The following NLRP8 variants were observed in gnomAD, a reference collection of about 807,000 sequenced individuals.
The protein encoded by NLRP8 is NACHT, LRR and PYD domains-containing protein 8.
Under a neutral mutation model 88.7 loss-of-function variants are expected in NLRP8, and 86 were observed. That is an observed-to-expected ratio of 0.97 (90% CI 0.81 to 1.16). The LOEUF (loss-of-function observed/expected upper bound fraction) is 1.16. Among genes scored for constraint, NLRP8 ranks in the 50% most tolerant of loss-of-function variants. NLRP8 has a pLI of 0.00. For synonymous variants in NLRP8, 504 were observed against 494.6 expected, an observed-to-expected ratio of 1.02 and a Z score of -0.25; for missense variants, 1,342 against 1,286.5, an observed-to-expected ratio of 1.04 and a Z score of -0.66.
chr19:55,974,899 A>C (rs185107899), intron 7 of NLRP8, among the ~76,000 whole-genome samples: 2 of 152,002 alleles, frequency 1.3e-5, no homozygotes, highest in African/African-American at 4.8e-5. Flanking sequence ...GCTTGTAATT[A>C]GGAGAGAAAT....
chr19:55,987,854 A>C lies in NLRP8; in HGVS notation c.3088A>C (p.Thr1030Pro). 6.2e-7 allele frequency: 1 copy of C among 1,613,348 alleles called. No individual in the cohort carries two copies. Among genetic ancestry groups the C allele is most frequent in the South Asian group, 1.1e-5 (1 of 91,036 alleles). The change falls in exon 10 of 10, where the codon ACT (threonine) becomes CCT (proline). Residue 1030 changes from threonine (T) to proline (P), a missense_variant. Transcript: ENST00000291971. The stretch of plus-strand genomic sequence containing the variant: ...GACTCGAATAACTAGCTTCTCCCCA[A>C]CTCCTCACCCACCCGACTTCACGGG...
rs145118404 is a variant in NLRP8, at chr19:55,950,987, A to C, written c.368-1551A>C. Among the ~76,000 whole-genome samples the C allele has an allele frequency of 4.0e-3, 604 of 152,330 alleles. 2 individuals are homozygous for C. Among genetic ancestry groups the C allele is most frequent in the African/African-American group, 0.013 (544 of 41,566 alleles). On this transcript the variant is annotated intron_variant, in intron 1 of 9. Coordinates refer to ENST00000291971, the MANE Select transcript of NLRP8 (RefSeq NM_176811.2). ...CAGCTACTTGGGAAGCTGAGGCAGA[A>C]GAATCGCTTGAACCCAGGAGGCAGA...
chr19:55,959,575 T>G (rs749102322), intron 3 of NLRP8, among the ~76,000 whole-genome samples: 1 of 152,138 alleles, frequency 6.6e-6, no homozygotes, highest in African/African-American at 2.4e-5. Flanking sequence ...ATCTCTAACT[T>G]TATCAGCAGG....
rs77308844 is a variant in NLRP8, at chr19:55,966,396, G to C, written c.2381+16G>C. On this transcript the variant is annotated intron_variant, in intron 5 of 9. Transcript: ENST00000291971. ...AGTGTCTCAGGTGAGATTTGAGAGG[G>C]GGGTTAGAGTGGGAACCGGGGTACC... 1 of 1,611,606 alleles carries C rather than the reference G, an allele frequency of 6.2e-7. No individual in the cohort carries two copies. The highest frequency in any genetic ancestry group is 8.5e-7 in the Non-Finnish European group (1 of 1,178,324).
chr19:55,986,318 A>T (rs958204174), intron 9 of NLRP8, among the ~76,000 whole-genome samples: 7 of 144,728 alleles, frequency 4.8e-5, no homozygotes, highest in Non-Finnish European at 9.0e-5. Context: ...ACAGTCTCTC[A>T]CACACACACA....
At chr19:55,962,982 G>A (rs919708304) in intron 4 of NLRP8, among the ~76,000 whole-genome samples, 5 of 151,946 alleles carry the variant, frequency 3.3e-5, no homozygotes, top group South Asian at 2.1e-4. Context: ...ATGGTTCACC[G>A]CTGCATTCCT....
At chr19:55,969,466 A>G (rs932540206) in intron 5 of NLRP8, among the ~76,000 whole-genome samples, 14 of 152,194 alleles carry the variant, frequency 9.2e-5, no homozygotes, top group Non-Finnish European at 1.0e-4. Flanking sequence ...GTAGTATTCC[A>G]TGGTGTGTCT....
chr19:55,959,920 T>G (rs2123197004), intron 3 of NLRP8, among the ~76,000 whole-genome samples: 1 of 152,236 alleles, frequency 6.6e-6, no homozygotes, highest in Non-Finnish European at 1.5e-5. Flanking sequence ...ACTAGATGGG[T>G]CCAGGTGCTG....
At chr19:55,984,481 C>A (rs1759399515) in intron 9 of NLRP8, among the ~76,000 whole-genome samples, 1 of 150,420 alleles carries the variant, frequency 6.6e-6, no homozygotes. Flanking sequence ...ATGGAGAAAC[C>A]CCGTCTCTAC....
chr19:55,983,578 T>C (rs772996186), intron 9 of NLRP8, among the ~76,000 whole-genome samples: 1 of 151,824 alleles, frequency 6.6e-6, no homozygotes, highest in South Asian at 2.1e-4. Flanking sequence ...CATGAGTCTT[T>C]AAGGTTCTCC....
intron 3 of NLRP8, among the ~76,000 whole-genome samples, chr19:55,956,405 G>T (rs989235637): frequency 6.6e-6 from 1 of 151,924 alleles, no homozygotes; most frequent in East Asian, 1.9e-4. Context: ...CACTGCACCC[G>T]GCTAATTTTG....
At chr19:55,975,860 A>T (rs569049719) in intron 7 of NLRP8, among the ~76,000 whole-genome samples, 4 of 152,346 alleles carry the variant, frequency 2.6e-5, no homozygotes, top group African/African-American at 7.2e-5. Context: ...GAACTTACAC[A>T]AATATTCTAA....
chr19:55,949,342 A>G (rs1185406205), intron 1 of NLRP8, among the ~76,000 whole-genome samples: 2 of 152,136 alleles, frequency 1.3e-5, no homozygotes, highest in South Asian at 2.1e-4. Flanking sequence ...GGTTCAAGCA[A>G]TTCTCATGCC....
intron 6 of NLRP8, among the ~76,000 whole-genome samples, chr19:55,972,412 GTC>G (rs765511272): frequency 2.3e-5 from 3 of 127,734 alleles, no homozygotes; most frequent in Non-Finnish European, 5.5e-5. Flanking sequence ...ACTGCACCTA[GTC>G]TTTTTTTTTT....
At chr19:55,956,265 A>G (rs1478801342) in intron 3 of NLRP8, among the ~76,000 whole-genome samples, 165 bp downstream of exon 3, 1 of 151,872 alleles carries the variant, frequency 6.6e-6, no homozygotes, top group Non-Finnish European at 1.5e-5. Flanking sequence ...GTTTTTTGAG[A>G]CAGAGTGTCA....
In NLRP8 at chr19:55,948,277, T is replaced by C. The variant is rs1363064162; in HGVS notation, c.367+8T>C. The stretch of plus-strand genomic sequence containing the variant: ...TCCGCAGAGAGATAAATGGTGAGTG[T>C]TGATCTGGTGGATAAAGTGGGGGTG... On this transcript the variant is annotated splice_region_variant and intron_variant, in intron 1 of 9. Coordinates refer to ENST00000291971, the MANE Select transcript of NLRP8 (RefSeq NM_176811.2). 55 of 1,602,312 alleles carry C rather than the reference T, an allele frequency of 3.4e-5. No individual in the cohort carries two copies. Among genetic ancestry groups the C allele is most frequent in the Non-Finnish European group, 4.4e-5 (52 of 1,171,160 alleles).
At chr19:55,964,200 G>T (rs1303338931) in intron 4 of NLRP8, among the ~76,000 whole-genome samples, 1 of 152,144 alleles carries the variant, frequency 6.6e-6, no homozygotes, top group Non-Finnish European at 1.5e-5. Context: ...TCCTATTATT[G>T]TGATAGTTAT....
chr19:55,986,475 C>CACACACACACACACACAT (rs1291029155), intron 9 of NLRP8, among the ~76,000 whole-genome samples: 4 of 124,674 alleles, frequency 3.2e-5, no homozygotes, highest in African/African-American at 1.3e-4. Context: ...CTCTCACATA[C>CACACACACACACACACAT]ACACACACAC....
Position 55,973,681 on chromosome 19 carries a change from C to G in NLRP8, c.2564C>G (p.Thr855Ser). The stretch of plus-strand genomic sequence containing the variant: ...GAGAACTGCAACCTTACACAGCTTA[C>G]TTGTGAAAGCCTTGCCTCCTGTCTC... The change falls in exon 7 of 10, where the codon ACT becomes AGT. Residue 855 changes from threonine to serine, a missense_variant. Thr to Ser is a moderately conservative substitution (Grantham distance 58). Coordinates refer to ENST00000291971, the MANE Select transcript of NLRP8 (RefSeq NM_176811.2). The G allele has an allele frequency of 1.9e-6, 3 of 1,613,606 alleles. No individual in the cohort carries two copies. Among genetic ancestry groups the G allele is most frequent in the Non-Finnish European group, 2.5e-6 (3 of 1,179,666 alleles).
Sources: gnomAD v4.1 joint callset for allele counts (sites outside exome capture counted in the v4.1 genomes callset) on GRCh38, gnomAD v4.1.1 for gene constraint, MANE v1.5 for transcripts, NCBI Gene and HGNC (gene_info 2026-07-23, HGNC 2026-07-21) for gene names.